ARHGAP39: variants seen among roughly 807,000 people sequenced by gnomAD.
ARHGAP39 encodes rho GTPase-activating protein 39.
In ARHGAP39, 44 loss-of-function variants were observed where a neutral mutation model predicts 106.9. The ratio of observed to expected loss-of-function variants is 0.41; its 90% CI spans 0.32 to 0.53. The LOEUF is 0.53. Ranked by LOEUF, ARHGAP39 falls within the 20% of genes least tolerant of loss-of-function variation. ARHGAP39 has a pLI of 0.21. For synonymous variants in ARHGAP39, 768 were observed against 693.2 expected, an observed-to-expected ratio of 1.11 and a Z score of -1.69; for missense variants, 1,496 against 1,577.3, an observed-to-expected ratio of 0.95 and a Z score of 0.87.
At chr8:144,545,881 A>T in intron 5 of ARHGAP39, 71 bp from the exon 6 acceptor site, 1 of 1,342,376 alleles carries the variant, frequency 7.4e-7, no homozygotes, top group Non-Finnish European at 9.9e-7. Context: ...ACTGGGCCAC[A>T]GTCCCCAGAA....
At chr8:144,636,366 T>G (rs1387804066) in intron 1 of ARHGAP39, among the ~76,000 whole-genome samples, 1 of 152,148 alleles carries the variant, frequency 6.6e-6, no homozygotes, top group Admixed American at 6.5e-5. Context: ...AACTCACAAT[T>G]GAACTGCCTG....
chr8:144,602,145 G>A (rs1194012214), intron 2 of ARHGAP39, among the ~76,000 whole-genome samples: 3 of 141,346 alleles, frequency 2.1e-5, no homozygotes, highest in Non-Finnish European at 4.5e-5. Flanking sequence ...GCGAGCTCAT[G>A]TACCTGTGTG....
At chr8:144,693,656 AGCCACCGCGCCCAGCC>A in the ARHGAP39 span, among the ~76,000 whole-genome samples, 3 of 152,358 alleles carry the variant, frequency 2.0e-5, no homozygotes, top group Admixed American at 6.5e-5. Flanking sequence ...TACAGGCGTG[AGCCACCGCGCCCAGCC>A]GCCTGGCCGT....
chr8:144,668,171 G>A (rs1263621427), intron 1 of ARHGAP39, among the ~76,000 whole-genome samples: 1 of 152,172 alleles, frequency 6.6e-6, no homozygotes, highest in African/African-American at 2.4e-5. Context: ...GCCAGGTGCA[G>A]TGGCTTACAC....
intron 6 of ARHGAP39, among the ~76,000 whole-genome samples, chr8:144,544,559 T>A (rs1245631931): frequency 6.6e-6 from 1 of 152,138 alleles, no homozygotes; most frequent in Non-Finnish European, 1.5e-5. Flanking sequence ...TGATGTGAGG[T>A]GGAGAGCTGC....
At chr8:144,552,418 C>T (rs936469155) in intron 4 of ARHGAP39, among the ~76,000 whole-genome samples, 9 of 152,254 alleles carry the variant, frequency 5.9e-5, no homozygotes, top group African/African-American at 1.4e-4. Flanking sequence ...CAACCCAATG[C>T]CGCAGGTTTC....
Position 144,685,835 on chromosome 8 carries a change from G to C in ARHGAP39, c.-231C>G, listed in dbSNP as rs1263429266. 6.8e-6 allele frequency among the ~76,000 whole-genome samples: 1 copy of C among 148,010 alleles called. No homozygotes were observed. Among genetic ancestry groups the C allele is most frequent in the Non-Finnish European group, 1.5e-5 (1 of 66,408 alleles). On this transcript the variant is annotated 5_prime_UTR_variant, in exon 1 of 12. Coordinates refer to ENST00000377307, the MANE Select transcript of ARHGAP39 (RefSeq NM_025251.3). ...GTCGGCGTCCTCCGCCGCCGCCGCC[G>C]GCCCAGTGCGCGGCGGCCGCGCGTC...
intron 2 of ARHGAP39, among the ~76,000 whole-genome samples, chr8:144,602,716 G>A (rs1307826720): frequency 4.9e-5 from 7 of 142,108 alleles, no homozygotes; most frequent in Non-Finnish European, 6.1e-5. Context: ...AGTTGTGTGC[G>A]CTCGTGTACC....
Position 144,641,269 on chromosome 8 carries a change from G to A in ARHGAP39, c.-81-35574C>T, listed in dbSNP as rs904829032. Among the ~76,000 whole-genome samples, 3 of 152,088 alleles carry A rather than the reference G, an allele frequency of 2.0e-5. No homozygotes were observed. The highest frequency in any genetic ancestry group is 1.3e-4 in the Admixed American group (2 of 15,278). ...TCTGGCCCTCAAGGCACCAGAGGAC[G>A]GGAAAGGAGAGGCAGACGCTATTAA... On this transcript the variant is annotated intron_variant, in intron 1 of 11. Coordinates refer to ENST00000377307, the MANE Select transcript of ARHGAP39 (RefSeq NM_025251.3). The surrounding 1 kb of genome is among the most constrained non-coding windows in gnomAD (Gnocchi z 5.2).
intron 2 of ARHGAP39, among the ~76,000 whole-genome samples, chr8:144,598,848 C>T (rs1819730933): frequency 2.0e-5 from 3 of 152,174 alleles, no homozygotes. Flanking sequence ...TTTGGCTTTT[C>T]AGACACATTT....
chr8:144,624,271 A>G (rs1279821428), intron 1 of ARHGAP39, among the ~76,000 whole-genome samples: 1 of 152,260 alleles, frequency 6.6e-6, no homozygotes, highest in Non-Finnish European at 1.5e-5. Context: ...CGTACAGTAT[A>G]GGATACACTT....
chr8:144,595,924 C>T (rs1819603643), intron 2 of ARHGAP39, among the ~76,000 whole-genome samples: 1 of 152,184 alleles, frequency 6.6e-6, no homozygotes, highest in Non-Finnish European at 1.5e-5. Flanking sequence ...GTCCTCTTTG[C>T]CACGCTGCTC....
At chr8:144,611,850 T>C (rs1820499525) in intron 1 of ARHGAP39, among the ~76,000 whole-genome samples, 1 of 151,984 alleles carries the variant, frequency 6.6e-6, no homozygotes, top group Admixed American at 6.6e-5. Context: ...ACCCTGTCTC[T>C]ATAAAAAAAT....
chr8:144,580,979 C>A lies in ARHGAP39; in HGVS notation c.379G>T (p.Gly127Cys). 5 of 1,599,398 alleles carry A rather than the reference C, an allele frequency of 3.1e-6. No individual in the cohort carries two copies. Among genetic ancestry groups the A allele is most frequent in the Non-Finnish European group, 3.4e-6 (4 of 1,174,144 alleles). The change falls in exon 3 of 12, where the codon GGC (glycine) becomes TGC (cysteine). Residue 127 changes from glycine to cysteine, a missense_variant. This residue lies in a region of ARHGAP39 where 905 missense variants were observed against 816.4 expected (regional missense o/e 1.11). Transcript: ENST00000377307. ...CTGCCCTCACGGCTGACGCTGCTGC[C>A]GCGCCCGGGGCTGCTCTCCGCCGAG... ...RASAESSPGR[G>C]SSVSREGSTS...
Position 144,547,956 on chromosome 8 carries a change from T to C in ARHGAP39, c.1130A>G (p.Lys377Arg). ...PCQQLVLTKQ[K>R]CPERFLSLEY... ...CAGGCTCAGGAAGCGCTCGGGACAC[T>C]TCTGCTTGGTGAGCACCAGCTGCTG... Residue 377 changes from lysine (K) to arginine (R), a missense_variant, in exon 5 of 12, where the codon AAG becomes AGG. Coordinates refer to ENST00000377307, the MANE Select transcript of ARHGAP39 (RefSeq NM_025251.3). The surrounding 1 kb of genome is among the most constrained non-coding windows in gnomAD (Gnocchi z 5.2). 1 of 1,600,588 alleles carries C rather than the reference T, an allele frequency of 6.2e-7. No homozygotes were observed. The highest frequency in any genetic ancestry group is 1.1e-5 in the South Asian group (1 of 89,866).
At chr8:144,558,619 G>A (rs1469602548) in intron 3 of ARHGAP39, among the ~76,000 whole-genome samples, 6 of 151,744 alleles carry the variant, frequency 4.0e-5, no homozygotes, top group Non-Finnish European at 8.8e-5. Flanking sequence ...ATTTCATTCA[G>A]TGGCAACAGT....
chr8:144,577,607 A>G (rs1818823032), intron 3 of ARHGAP39, among the ~76,000 whole-genome samples: 1 of 152,258 alleles, frequency 6.6e-6, no homozygotes, highest in South Asian at 2.1e-4. Context: ...CACAGATGAC[A>G]TAGTCCTATA....
chr8:144,580,764 C>T, intron 3 of ARHGAP39, 82 bp downstream of exon 3: 2 of 154,882 alleles, frequency 1.3e-5, no homozygotes, highest in South Asian at 1.2e-4. Flanking sequence ...CCTGGCCCCG[C>T]CCACCACCCC....
chr8:144,537,058 G>A (rs1201043248), intron 7 of ARHGAP39, among the ~76,000 whole-genome samples: 1 of 152,180 alleles, frequency 6.6e-6, no homozygotes, highest in Non-Finnish European at 1.5e-5. Context: ...GGGTGTGAGC[G>A]CGGAGCTGAC....
Sources: gnomAD v4.1 joint callset for allele counts (sites outside exome capture counted in the v4.1 genomes callset) on GRCh38, gnomAD v4.1.1 for gene constraint, gnomAD v4.1.1 regional missense constraint, Gnocchi (gnomAD v3.1) non-coding constraint, MANE v1.5 for transcripts, NCBI Gene and HGNC (gene_info 2026-07-23, HGNC 2026-07-21) for gene names.